The following ILDR2 variants were observed in gnomAD, a reference collection of about 807,000 sequenced individuals.
ILDR2 encodes immunoglobulin like domain containing receptor 2, also known as immunoglobulin-like domain-containing receptor 2.
ILDR2 carries 25 observed loss-of-function variants against 66.8 expected under a neutral mutation model. The observed-to-expected ratio is 0.37, with a 90% CI of 0.27 to 0.52. The LOEUF (loss-of-function observed/expected upper bound fraction) is 0.52. ILDR2 is among the 20% of genes least tolerant of loss of function. ILDR2 has a pLI of 0.88. For missense variants in ILDR2, 827 were observed against 876.8 expected (o/e 0.94, Z 0.72); for synonymous variants, 367 against 357.2 (o/e 1.03, Z -0.31).
At chr1:166,943,921 G>A in intron 3 of ILDR2, 2 of 835,224 alleles carry the variant, frequency 2.4e-6, no homozygotes, top group Non-Finnish European at 2.9e-6. Flanking sequence ...CAAACTATCA[G>A]AGGAAAATAC....
chr1:166,896,281 TG>T (rs1659165388), intron 2 of ILDR2, among the ~76,000 whole-genome samples: 1 of 152,026 alleles, frequency 6.6e-6, no homozygotes, highest in Admixed American at 6.6e-5. Context: ...GAAGAGCAGA[TG>T]GTTTGGTGTG....
chr1:166,959,781 AAG>A (rs1662502903), intron 1 of ILDR2, among the ~76,000 whole-genome samples: 1 of 152,230 alleles, frequency 6.6e-6, no homozygotes, highest in South Asian at 2.1e-4. Flanking sequence ...TGGGAGAGTC[AAG>A]AGTTTCTAGC....
chr1:166,909,855 G>C lies in ILDR2; in HGVS notation c.*9500C>G, dbSNP rs1478101643. The C allele has an allele frequency of 6.9e-6, 1 of 144,634 alleles. No homozygotes were observed. Among genetic ancestry groups the C allele is most frequent in the African/African-American group, 2.6e-5 (1 of 38,602 alleles). The allele number at this position is 144,634 out of a possible 1,614,324, so 9.0% of individuals were successfully genotyped here. A position where few individuals can be genotyped will look rare whatever the true frequency, so the allele number is the denominator to read the frequency against. On this transcript the variant is annotated 3_prime_UTR_variant, in exon 10 of 10. Transcript: ENST00000271417. Reference sequence around the variant, plus strand: ...CATTAACGTCTCAGAGAAAGAAAAAGAGCCAGAAAAAATCCACTGTGGCTA... The same window carrying C: ...CATTAACGTCTCAGAGAAAGAAAAACAGCCAGAAAAAATCCACTGTGGCTA...
At position 166,918,688 on chromosome 1, in the gene ILDR2, G is replaced by C. The variant is rs1659734126; in HGVS notation, c.*667C>G. On this transcript the variant is annotated 3_prime_UTR_variant, in exon 10 of 10. Transcript: ENST00000271417. ...AGAATGGAAAAGGAAATACCACTTA[G>C]ACAGCTTTTCAAAAAGGTATACTCG... is the stretch of plus-strand genomic sequence containing the variant. 6.6e-6 allele frequency: 1 copy of C among 152,400 alleles called. No individual in the cohort carries two copies. Among genetic ancestry groups the C allele is most frequent in the South Asian group, 2.1e-4 (1 of 4,830 alleles). The allele number at this position is 152,400 out of a possible 1,614,324, so 9.4% of individuals were successfully genotyped here.
chr1:166,949,862 A>T (rs1661864466), intron 3 of ILDR2, among the ~76,000 whole-genome samples: 1 of 152,120 alleles, frequency 6.6e-6, no homozygotes, highest in Non-Finnish European at 1.5e-5. Flanking sequence ...AAGCTAGGAG[A>T]GAGTGCTGGG....
At chr1:166,955,662 A>C (rs1310930875) in intron 3 of ILDR2, among the ~76,000 whole-genome samples, 1 of 152,214 alleles carries the variant, frequency 6.6e-6, no homozygotes. Context: ...CATAATGCTA[A>C]GGCATCAGAA....
At chr1:166,939,388 G>A in intron 4 of ILDR2, 126 bp downstream of exon 4, 1 of 768,518 alleles carries the variant, frequency 1.3e-6, no homozygotes, top group Non-Finnish European at 2.3e-6. Context: ...AGTTAATCCT[G>A]GAAAAGATCA....
chr1:166,906,382 G>A (rs1401237647), downstream of ILDR2, among the ~76,000 whole-genome samples: 2 of 152,134 alleles, frequency 1.3e-5, no homozygotes, highest in South Asian at 2.1e-4. Flanking sequence ...GTGGGAGTGG[G>A]GCTTCCTAAA....
rs907520738 is a variant in ILDR2, at chr1:166,918,583, G to C, written c.*772C>G. 1.3e-5 allele frequency: 2 copies of C among 152,280 alleles called. No homozygotes were observed. The highest frequency in any genetic ancestry group is 2.9e-5 in the Non-Finnish European group (2 of 68,056). The allele number at this position is 152,280 out of a possible 1,614,324, so 9.4% of individuals were successfully genotyped here. ...AACCTGTGGGAAGTCCAGGAGAGGG[G>C]AGGAAGAGAAGAGCCCTTAATGTCT... On this transcript the variant is annotated 3_prime_UTR_variant, in exon 10 of 10. Coordinates refer to ENST00000271417, the MANE Select transcript of ILDR2 (RefSeq NM_199351.3).
chr1:166,952,648 C>G (rs916356270), intron 3 of ILDR2, among the ~76,000 whole-genome samples: 1 of 152,110 alleles, frequency 6.6e-6, no homozygotes, highest in African/African-American at 2.4e-5. Flanking sequence ...AACAACTATG[C>G]CTTTGAAGTT....
chr1:166,959,678 C>T (rs571986735), intron 1 of ILDR2, among the ~76,000 whole-genome samples: 7 of 152,166 alleles, frequency 4.6e-5, no homozygotes, highest in South Asian at 2.1e-4. Flanking sequence ...GAATGAGAGA[C>T]GAGGGGAGTG....
At chr1:166,901,425 A>T (rs1659262019) in intron 2 of ILDR2, among the ~76,000 whole-genome samples, 1 of 152,180 alleles carries the variant, frequency 6.6e-6, no homozygotes, top group African/African-American at 2.4e-5. Flanking sequence ...ATAGAATGAC[A>T]AGCAAGAAAG....
Position 166,957,929 on chromosome 1 carries a change from G to A in ILDR2, c.219C>T (p.Ser73=), listed in dbSNP as rs140101700. Reference sequence around the variant, plus strand: ...TGCTGAGAGATTGGGCCCGGGTAGAGGACATGCCCAAGGATTCTCCCATGC... The same window carrying A: ...TGCTGAGAGATTGGGCCCGGGTAGAAGACATGCCCAAGGATTCTCCCATGC... ...QDRMGESLGM[S]STRAQSLSKR... Residue 73 remains serine, a synonymous_variant, in exon 2 of 10, where the codon TCC becomes TCT. Transcript: ENST00000271417. 1.7e-4 allele frequency: 281 copies of A among 1,614,146 alleles called. No individual in the cohort carries two copies. The African/African-American group carries it at 3.3e-3, about 19-fold the overall frequency.
rs565376613 is a variant in ILDR2 at position 166,916,687 on chromosome 1, G to A, written c.*2668C>T. 6.6e-5 allele frequency: 10 copies of A among 152,216 alleles called. No individual in the cohort carries two copies. The highest frequency in any genetic ancestry group is 2.2e-4 in the African/African-American group (9 of 41,448). The allele number at this position is 152,216 out of a possible 1,614,324, so 9.4% of individuals were successfully genotyped here. ...GCTTTTTCTCTCTACTGAAAGCCTG[G>A]AAGTCTGAATGATTTATCCAGTTCT... On this transcript the variant is annotated 3_prime_UTR_variant, in exon 10 of 10. Coordinates refer to ENST00000271417, the MANE Select transcript of ILDR2 (RefSeq NM_199351.3).
intron 1 of ILDR2, among the ~76,000 whole-genome samples, chr1:166,973,090 G>A (rs1393106558): frequency 1.3e-5 from 2 of 152,154 alleles, no homozygotes; most frequent in Non-Finnish European, 2.9e-5. Context: ...GCAGGGAGCA[G>A]AGGATGATCA....
At chr1:166,905,798 G>C (rs919735053), downstream of ILDR2, among the ~76,000 whole-genome samples, 6 of 152,154 alleles carry the variant, frequency 3.9e-5, no homozygotes, top group Non-Finnish European at 7.3e-5. Context: ...GAGCAGCCAA[G>C]GTTGGAAACT....
chr1:166,960,268 CA>C lies in ILDR2; in HGVS notation c.47-2168del, dbSNP rs546180706. 4.7e-3 allele frequency among the ~76,000 whole-genome samples: 712 copies of C among 152,278 alleles called. 10 individuals are homozygous for C. The highest frequency in any genetic ancestry group is 0.016 in the African/African-American group (683 of 41,560). ...AAGCATTTTGGACCTACCCTGTGCT[CA>C]ATAGCTACCTACAGAATAAATGAAG... is the stretch of plus-strand genomic sequence containing the variant. On this transcript the variant is annotated intron_variant, in intron 1 of 9. Coordinates refer to ENST00000271417, the MANE Select transcript of ILDR2 (RefSeq NM_199351.3).
Position 166,914,400 on chromosome 1 carries a change from G to A in ILDR2, c.*4955C>T, listed in dbSNP as rs1048251762. ...GAAAGGACACCAGACAAGACAGTCAGAAGGCCTGGCTTTATAATTTTAAAA... is the reference window on the plus strand; with the variant it reads ...GAAAGGACACCAGACAAGACAGTCAAAAGGCCTGGCTTTATAATTTTAAAA... On this transcript the variant is annotated 3_prime_UTR_variant, in exon 10 of 10. Transcript: ENST00000271417. 1.3e-5 allele frequency: 2 copies of A among 152,162 alleles called. No individual in the cohort carries two copies. Among genetic ancestry groups the A allele is most frequent in the African/African-American group, 4.8e-5 (2 of 41,424 alleles). 9.4% of individuals were successfully genotyped at this position (152,162 alleles called of 1,614,324 possible). A position where few individuals can be genotyped will look rare whatever the true frequency, so the allele number is the denominator to read the frequency against.
chr1:166,943,454 T>G (rs1661432240), intron 3 of ILDR2, among the ~76,000 whole-genome samples: 2 of 120,016 alleles, frequency 1.7e-5, no homozygotes, highest in South Asian at 2.9e-4. Context: ...ATTGCACCAC[T>G]GCACTCCAGC....
Sources: gnomAD v4.1 joint callset for allele counts (sites outside exome capture counted in the v4.1 genomes callset) on GRCh38, gnomAD v4.1.1 for gene constraint, MANE v1.5 for transcripts, NCBI Gene and HGNC (gene_info 2026-07-23, HGNC 2026-07-21) for gene names.